DYDC2: variants seen among roughly 807,000 people sequenced by gnomAD.
DYDC2 encodes the protein DPY30 domain containing 2, also known as DPY30 domain-containing protein 2.
In DYDC2, 19 loss-of-function variants were observed where a neutral mutation model predicts 18.7. That is an observed-to-expected ratio of 1.02 (90% CI 0.71 to 1.49). The LOEUF (loss-of-function observed/expected upper bound fraction) is 1.49. Among genes scored for constraint, DYDC2 ranks in the 40% most tolerant of loss-of-function variants. DYDC2 has a pLI of 0.00. For synonymous variants in DYDC2, 63 were observed against 67.6 expected (o/e 0.93, Z 0.34); for missense variants, 179 against 205.1 (o/e 0.87, Z 0.78).
At chr10:80,363,949 A>T (rs1039016053) in intron 4 of DYDC2, among the ~76,000 whole-genome samples, 1 of 152,106 alleles carries the variant, frequency 6.6e-6, no homozygotes, top group Non-Finnish European at 1.5e-5. Flanking sequence ...TTTACCTCCC[A>T]CAGTTTTTTT....
chr10:80,352,918 T>C (rs891519608), upstream of DYDC2, among the ~76,000 whole-genome samples: 19 of 152,326 alleles, frequency 1.2e-4, no homozygotes, highest in African/African-American at 4.6e-4. Context: ...GGGTCTCATG[T>C]AATCCTCACA....
intron 2 of DYDC2, among the ~76,000 whole-genome samples, chr10:80,362,223 G>A (rs1277671760): frequency 6.6e-6 from 1 of 152,184 alleles, no homozygotes; most frequent in African/African-American, 2.4e-5. Context: ...TATGGACTCC[G>A]TCAGGAGGAG....
intron 4 of DYDC2, among the ~76,000 whole-genome samples, chr10:80,364,978 G>T (rs1843782121): frequency 6.6e-6 from 1 of 152,132 alleles, no homozygotes; most frequent in Non-Finnish European, 1.5e-5. Flanking sequence ...ATTCAAGGTG[G>T]ATTACAAATT....
upstream of DYDC2, chr10:80,356,130 G>T: frequency 1.9e-5 from 11 of 570,142 alleles, no homozygotes; most frequent in Non-Finnish European, 2.4e-5. Context: ...GCTCTGTCTC[G>T]GATTTCTGGG....
chr10:80,357,679 A>G (rs10788586), intron 1 of DYDC2, among the ~76,000 whole-genome samples: 114,797 of 152,028 alleles, frequency 0.76, 44,228 homozygotes, highest in East Asian at 0.97. Flanking sequence ...CCAGGCCCAA[A>G]CCCTTGCAGT....
intron 1 of DYDC2, among the ~76,000 whole-genome samples, chr10:80,357,555 C>T (rs1451019597): frequency 1.3e-5 from 2 of 152,148 alleles, no homozygotes; most frequent in Non-Finnish European, 2.9e-5. Flanking sequence ...CTGCAAGCTG[C>T]TAATAGCTTG....
At chr10:80,358,857 G>A (rs61859199) in intron 2 of DYDC2, among the ~76,000 whole-genome samples, 254 of 152,184 alleles carry the variant, frequency 1.7e-3, no homozygotes, top group African/African-American at 5.2e-3. Flanking sequence ...TCCAGAGTTC[G>A]TTCCTTTTGA....
intron 1 of DYDC2, among the ~76,000 whole-genome samples, chr10:80,349,092 C>T (rs1842836444): frequency 1.3e-5 from 2 of 152,092 alleles, no homozygotes; most frequent in Admixed American, 6.6e-5. Context: ...GGGGTTTCAC[C>T]GCGTTCGCCA....
chr10:80,365,044 T>C (rs2132902708), intron 4 of DYDC2, among the ~76,000 whole-genome samples: 2 of 152,328 alleles, frequency 1.3e-5, no homozygotes, highest in South Asian at 4.1e-4. Context: ...GGAAAACCAA[T>C]TTCAAACTGG....
At chr10:80,346,477 T>TTTTTTTTTTTTTTTTTTGGGGG in intron 1 of DYDC2, among the ~76,000 whole-genome samples, 1 of 143,026 alleles carries the variant, frequency 7.0e-6, no homozygotes, top group African/African-American at 2.6e-5. Flanking sequence ...TTTTTCTTTT[T>TTTTTTTTTTTTTTTTTTGGGGG]TGAGACGGAG....
chr10:80,346,376 A>G (rs1422696306), intron 1 of DYDC2, among the ~76,000 whole-genome samples: 1 of 144,434 alleles, frequency 6.9e-6, no homozygotes, highest in African/African-American at 2.6e-5. Flanking sequence ...GCCAATTTGT[A>G]TTCCCATCAA....
chr10:80,356,658 C>A (rs1843387416), upstream of DYDC2: 3 of 983,746 alleles, frequency 3.0e-6, no homozygotes, highest in Admixed American at 6.1e-5. Flanking sequence ...CCGGACCCAG[C>A]GAAGCTAGGG....
chr10:80,354,155 A>T (rs552889205), upstream of DYDC2, among the ~76,000 whole-genome samples: 1 of 149,514 alleles, frequency 6.7e-6, no homozygotes, highest in South Asian at 2.1e-4. Context: ...TTTTTTCCTG[A>T]GAATCTGATG....
intron 2 of DYDC2, among the ~76,000 whole-genome samples, chr10:80,358,572 G>C (rs903082444): frequency 3.3e-5 from 5 of 152,298 alleles, no homozygotes; most frequent in Admixed American, 1.3e-4. Flanking sequence ...CATGTAACCA[G>C]TGTGGCAGCC....
At chr10:80,362,232 A>C (rs1843684693) in intron 2 of DYDC2, among the ~76,000 whole-genome samples, 1 of 152,220 alleles carries the variant, frequency 6.6e-6, no homozygotes, top group Non-Finnish European at 1.5e-5. Context: ...CGTCAGGAGG[A>C]GGCCAGGTCC....
intron 2 of DYDC2, among the ~76,000 whole-genome samples, chr10:80,358,624 G>A (rs184416764): frequency 5.3e-5 from 8 of 152,264 alleles, no homozygotes; most frequent in Admixed American, 2.0e-4. Flanking sequence ...TTCTGCCTTC[G>A]GGGAAGGACA....
At chr10:80,358,237 G>C (rs138837582) in intron 2 of DYDC2, among the ~76,000 whole-genome samples, 192 bp downstream of exon 2, 59 of 152,266 alleles carry the variant, frequency 3.9e-4, no homozygotes, top group African/African-American at 1.2e-3. Flanking sequence ...AATTAGCCAG[G>C]TGTGGTGGCG....
chr10:80,355,677 C>T (rs1438588259), upstream of DYDC2, among the ~76,000 whole-genome samples: 1 of 152,156 alleles, frequency 6.6e-6, no homozygotes, highest in East Asian at 1.9e-4. Context: ...CTCTAAGACA[C>T]AGAATAAAGA....
chr10:80,364,525 G>T (rs961511373), intron 4 of DYDC2, among the ~76,000 whole-genome samples: 1 of 152,150 alleles, frequency 6.6e-6, no homozygotes, highest in Non-Finnish European at 1.5e-5. Flanking sequence ...CTTTATTAAG[G>T]AAAATTTCTC....
Sources: allele counts gnomAD v4.1 joint callset (sites outside exome capture counted in the v4.1 genomes callset), GRCh38; gene constraint gnomAD v4.1.1; transcripts MANE v1.5; gene names NCBI Gene and HGNC (gene_info 2026-07-23, HGNC 2026-07-21).